The following NALF1 variants were observed in gnomAD, a reference collection of about 807,000 sequenced individuals.
NALF1 encodes the protein NALCN channel auxiliary factor 1, also known as family with sequence similarity 155 member A.
NALF1 carries 3 observed loss-of-function variants against 48.4 expected under a neutral mutation model. The observed-to-expected ratio is 0.06, with a 90% CI of 0.03 to 0.16. NALF1 has a LOEUF of 0.16. Ranked by LOEUF, NALF1 falls within the 10% of genes least tolerant of loss-of-function variation. The pLI is 1.00. For synonymous variants in NALF1, 262 were observed against 245.7 expected, an observed-to-expected ratio of 1.07 and a Z score of -0.62; for missense variants, 526 against 571.5, an observed-to-expected ratio of 0.92 and a Z score of 0.81.
At position 107,706,575 on chromosome 13, in the gene NALF1, A is replaced by T. The variant is rs575701280; in HGVS notation, c.915+159107T>A. 1.1e-4 allele frequency among the ~76,000 whole-genome samples: 16 copies of T among 152,334 alleles called. No homozygotes were observed. In the South Asian group the frequency reaches 2.3e-3, roughly 22 times the overall value. The stretch of plus-strand genomic sequence containing the variant: ...CAAATTTAAATTTGGCATTAAATGC[A>T]GTCTATTTCATTTGGTAACTTAAAA... On this transcript the variant is annotated intron_variant, in intron 1 of 2. Transcript: ENST00000375915.
At chr13:107,605,164 T>C (rs542961579) in intron 1 of NALF1, among the ~76,000 whole-genome samples, 14 of 152,296 alleles carry the variant, frequency 9.2e-5, no homozygotes, top group Non-Finnish European at 1.9e-4. Context: ...AAAAAGCTTG[T>C]CAAGGCATGG....
intron 1 of NALF1, among the ~76,000 whole-genome samples, chr13:107,546,245 T>A (rs1480096538): frequency 6.6e-6 from 1 of 152,152 alleles, no homozygotes; most frequent in Non-Finnish European, 1.5e-5. Context: ...GAGGGAAAGC[T>A]GCCACTTGAA....
chr13:107,749,459 C>CA (rs1234648331), intron 1 of NALF1, among the ~76,000 whole-genome samples: 3 of 151,306 alleles, frequency 2.0e-5, no homozygotes, highest in Non-Finnish European at 2.9e-5. Context: ...AAAGTAAAAA[C>CA]AAAAAACAAA....
chr13:107,514,799 C>T (rs1202764487), intron 1 of NALF1, among the ~76,000 whole-genome samples: 2 of 152,142 alleles, frequency 1.3e-5, no homozygotes, highest in African/African-American at 2.4e-5. Flanking sequence ...CTCTCCCCCA[C>T]TTATCTGCTG....
At chr13:107,690,323 T>G (rs1055398681) in intron 1 of NALF1, among the ~76,000 whole-genome samples, 4 of 152,208 alleles carry the variant, frequency 2.6e-5, no homozygotes, top group African/African-American at 9.7e-5. Context: ...AGTGTTTTGT[T>G]GGCAGAGAAA....
chr13:107,827,835 G>C (rs924178467), intron 1 of NALF1, among the ~76,000 whole-genome samples: 1 of 152,074 alleles, frequency 6.6e-6, no homozygotes, highest in Non-Finnish European at 1.5e-5. Context: ...ATAATTACTG[G>C]TTACAATTTT....
intron 1 of NALF1, among the ~76,000 whole-genome samples, chr13:107,249,733 C>T (rs745368706): frequency 6.6e-6 from 1 of 152,148 alleles, no homozygotes; most frequent in Non-Finnish European, 1.5e-5. Flanking sequence ...TAAAACACAT[C>T]ATTAGTAAAT....
intron 1 of NALF1, among the ~76,000 whole-genome samples, chr13:107,661,967 A>C (rs574658411): frequency 6.6e-6 from 1 of 152,296 alleles, no homozygotes; most frequent in South Asian, 2.1e-4. Flanking sequence ...ATCTTTTAAA[A>C]AATTGTATGA....
intron 1 of NALF1, among the ~76,000 whole-genome samples, chr13:107,310,671 T>TTTATTA (rs533798801): frequency 4.0e-5 from 6 of 151,476 alleles, no homozygotes; most frequent in Middle Eastern, 3.4e-3. Context: ...AATACAATTA[T>TTTATTA]TTATTATTAT....
chr13:107,228,264 C>A (rs1880147156), intron 1 of NALF1, among the ~76,000 whole-genome samples: 1 of 152,044 alleles, frequency 6.6e-6, no homozygotes, highest in Non-Finnish European at 1.5e-5. Context: ...CATCTTATTG[C>A]CAAATTGACA....
chr13:107,534,234 G>A (rs1054412075), intron 1 of NALF1, among the ~76,000 whole-genome samples: 2 of 152,016 alleles, frequency 1.3e-5, no homozygotes, highest in African/African-American at 2.4e-5. Flanking sequence ...TGGAAAGTAT[G>A]ATCTTTTTAG....
chr13:107,425,744 T>C (rs2139012467), intron 1 of NALF1, among the ~76,000 whole-genome samples: 1 of 152,316 alleles, frequency 6.6e-6, no homozygotes, highest in Admixed American at 6.5e-5. Flanking sequence ...TACTATGATA[T>C]TGGATGTCTA....
intron 1 of NALF1, among the ~76,000 whole-genome samples, chr13:107,726,913 T>TTG (rs1171461096): frequency 0.043 from 5,366 of 125,884 alleles, 199 homozygotes; most frequent in African/African-American, 0.1. Flanking sequence ...CGGCAAATTC[T>TTG]TGTGTGTGTG....
chr13:107,464,356 T>C (rs559273428), intron 1 of NALF1, among the ~76,000 whole-genome samples: 4 of 152,242 alleles, frequency 2.6e-5, no homozygotes, highest in African/African-American at 9.6e-5. Flanking sequence ...ATAGATGGTA[T>C]GGATTTTAGA....
intron 1 of NALF1, among the ~76,000 whole-genome samples, chr13:107,657,729 C>T (rs9514719): frequency 0.35 from 52,858 of 152,004 alleles, 10,593 homozygotes; most frequent in African/African-American, 0.55. Flanking sequence ...AGAAGGGCTA[C>T]TGATTTTTGT....
chr13:107,250,704 A>G (rs1880681003), intron 1 of NALF1, among the ~76,000 whole-genome samples: 1 of 150,158 alleles, frequency 6.7e-6, no homozygotes. Flanking sequence ...ACTATACCCT[A>G]CTGATATGGT....
chr13:107,505,809 T>C (rs555257220), intron 1 of NALF1, among the ~76,000 whole-genome samples: 43 of 152,320 alleles, frequency 2.8e-4, no homozygotes, highest in African/African-American at 9.4e-4. Flanking sequence ...GTTTTGATTA[T>C]TTCCATATTA....
At chr13:107,251,252 C>T (rs1300505677) in intron 1 of NALF1, among the ~76,000 whole-genome samples, 1 of 152,160 alleles carries the variant, frequency 6.6e-6, no homozygotes, top group South Asian at 2.1e-4. Context: ...GTTGTTAAGA[C>T]CAGACGCCTC....
At chr13:107,511,473 T>C (rs929661705) in intron 1 of NALF1, among the ~76,000 whole-genome samples, 1 of 152,102 alleles carries the variant, frequency 6.6e-6, no homozygotes, top group African/African-American at 2.4e-5. Context: ...TAATGCACAA[T>C]GTTACAATAC....
Sources: allele counts gnomAD v4.1 joint callset (sites outside exome capture counted in the v4.1 genomes callset), GRCh38; gene constraint gnomAD v4.1.1; transcripts MANE v1.5; gene names NCBI Gene and HGNC (gene_info 2026-07-23, HGNC 2026-07-21).